Variants in IGFBP7 observed in about 807,000 individuals in gnomAD.
IGFBP7 encodes insulin like growth factor binding protein 7, also known as insulin-like growth factor-binding protein 7.
Under a neutral mutation model 29.4 loss-of-function variants are expected in IGFBP7, and 31 were observed. The observed-to-expected ratio is 1.05, with a 90% CI of 0.79 to 1.42. IGFBP7 has a LOEUF of 1.42. Ranked by LOEUF, IGFBP7 falls within the 40% of genes most tolerant of loss-of-function variation. IGFBP7 has a pLI of 0.00. For missense variants in IGFBP7, 393 were observed against 395.5 expected (o/e 0.99, Z 0.05); for synonymous variants, 172 against 174.9 (o/e 0.98, Z 0.13).
At position 57,033,177 on chromosome 4, in the gene IGFBP7, C is replaced by G. The variant is rs1723985178; in HGVS notation, c.702+18G>C. The G allele has an allele frequency of 1.3e-6, 2 of 1,530,128 alleles. No homozygotes were observed. Among genetic ancestry groups the G allele is most frequent in the African/African-American group, 1.4e-5 (1 of 73,474 alleles). The allele number at this position is 1,530,128 out of a possible 1,614,324, so 94.8% of individuals were successfully genotyped here. On this transcript the variant is annotated intron_variant, in intron 3 of 4. Coordinates refer to ENST00000295666, the MANE Select transcript of IGFBP7 (RefSeq NM_001553.3). Reference sequence around the variant, plus strand: ...GCTAAGAATGAAACTCTTGCCAGCTCTTGGTACTGGTACTCACCAGCACCC... The same window carrying G: ...GCTAAGAATGAAACTCTTGCCAGCTGTTGGTACTGGTACTCACCAGCACCC...
chr4:57,084,073 C>T (rs1208852287), intron 1 of IGFBP7, among the ~76,000 whole-genome samples: 2 of 152,140 alleles, frequency 1.3e-5, no homozygotes, highest in African/African-American at 4.8e-5. Flanking sequence ...TACCCTACCA[C>T]TCATTTTATG....
chr4:57,104,979 CA>C (rs1349481756), intron 1 of IGFBP7, among the ~76,000 whole-genome samples: 3 of 152,268 alleles, frequency 2.0e-5, no homozygotes, highest in African/African-American at 7.2e-5. Context: ...ATGATATGCC[CA>C]ATTATTAGCC....
intron 1 of IGFBP7, among the ~76,000 whole-genome samples, chr4:57,047,775 C>T (rs949866962): frequency 6.6e-6 from 1 of 152,202 alleles, no homozygotes; most frequent in African/African-American, 2.4e-5. Context: ...TTCTCTGTCA[C>T]TCAGGCTGGA....
chr4:57,054,370 C>T (rs1724588342), intron 1 of IGFBP7, among the ~76,000 whole-genome samples: 1 of 152,110 alleles, frequency 6.6e-6, no homozygotes, highest in African/African-American at 2.4e-5. Flanking sequence ...CGGGGTGGCT[C>T]ATGCCCGTAA....
intron 1 of IGFBP7, among the ~76,000 whole-genome samples, chr4:57,093,099 A>C (rs1725678100): frequency 6.6e-6 from 1 of 152,240 alleles, no homozygotes; most frequent in Admixed American, 6.5e-5. Context: ...GTGTTTAATA[A>C]CAAAAAAGAT....
intron 1 of IGFBP7, among the ~76,000 whole-genome samples, chr4:57,065,212 G>A (rs1724890713): frequency 6.6e-6 from 1 of 152,204 alleles, no homozygotes. Context: ...TCGCCCACAA[G>A]CTATGGCTAA....
chr4:57,039,510 A>G (rs1333444077), intron 2 of IGFBP7, among the ~76,000 whole-genome samples: 1 of 152,124 alleles, frequency 6.6e-6, no homozygotes. Flanking sequence ...GGCTGGGGAT[A>G]CTGCTAAACA....
At chr4:57,051,195 A>G (rs905842761) in intron 1 of IGFBP7, among the ~76,000 whole-genome samples, 1 of 152,228 alleles carries the variant, frequency 6.6e-6, no homozygotes, top group Admixed American at 6.5e-5. Flanking sequence ...AAACAAGTGG[A>G]AGCTTCCTGA....
chr4:57,072,673 C>T, intron 1 of IGFBP7: 1 of 371,632 alleles, frequency 2.7e-6, no homozygotes, highest in Non-Finnish European at 5.2e-6. Context: ...GGGGTGCTGC[C>T]CGGTACCTTG....
chr4:57,040,962 A>G (rs2109743709), intron 1 of IGFBP7, 29 bp from the exon 2 acceptor site: 1 of 1,448,624 alleles, frequency 6.9e-7, no homozygotes, highest in Non-Finnish European at 9.7e-7. Context: ...AGCCAAAGTC[A>G]TCTTTTAAAC....
intron 2 of IGFBP7, among the ~76,000 whole-genome samples, chr4:57,034,250 A>T (rs1560488494): frequency 6.6e-6 from 1 of 152,140 alleles, no homozygotes; most frequent in Non-Finnish European, 1.5e-5. Flanking sequence ...ACTCTGGAAA[A>T]TATACAAAAG....
At position 57,030,869 on chromosome 4, in the gene IGFBP7, T is replaced by C. The variant is rs1723896270; in HGVS notation, c.*448A>G. The C allele has an allele frequency of 7.5e-7, 1 of 1,331,236 alleles. No individual in the cohort carries two copies. The allele number at this position is 1,331,236 out of a possible 1,614,324, so 82.5% of individuals were successfully genotyped here. On this transcript the variant is annotated 3_prime_UTR_variant, in exon 5 of 5. Coordinates refer to ENST00000295666, the MANE Select transcript of IGFBP7 (RefSeq NM_001553.3). ...AAGTGGGGTCACTTCAATACAATTCTGCTAATTACCATTTGTTTTTTCTTT... is the reference window on the plus strand; with the variant it reads ...AAGTGGGGTCACTTCAATACAATTCCGCTAATTACCATTTGTTTTTTCTTT...
At chr4:57,092,012 C>T (rs924950175) in intron 1 of IGFBP7, among the ~76,000 whole-genome samples, 3 of 152,166 alleles carry the variant, frequency 2.0e-5, no homozygotes, top group African/African-American at 7.2e-5. Flanking sequence ...ATTTAAAGAG[C>T]TGCTGAGATT....
intron 1 of IGFBP7, among the ~76,000 whole-genome samples, chr4:57,077,069 A>G (rs1725244302): frequency 6.6e-6 from 1 of 152,320 alleles, no homozygotes; most frequent in African/African-American, 2.4e-5. Context: ...AATTAATAGT[A>G]TTAAAGTATT....
At chr4:57,092,571 G>A (rs1725666675) in intron 1 of IGFBP7, among the ~76,000 whole-genome samples, 1 of 151,864 alleles carries the variant, frequency 6.6e-6, no homozygotes. Context: ...TTATTGAAAT[G>A]TTTTGCTTTT....
intron 1 of IGFBP7, among the ~76,000 whole-genome samples, chr4:57,091,428 C>T (rs1001611785): frequency 1.3e-5 from 2 of 152,206 alleles, no homozygotes; most frequent in African/African-American, 4.8e-5. Flanking sequence ...CACCTGGATT[C>T]CTCATTCCAG....
chr4:57,103,529 T>G (rs749901403), intron 1 of IGFBP7, among the ~76,000 whole-genome samples: 2 of 152,196 alleles, frequency 1.3e-5, no homozygotes, highest in Non-Finnish European at 2.9e-5. Context: ...GATGTTCTGA[T>G]GCATGTAGAC....
At chr4:57,103,753 G>A (rs1725958272) in intron 1 of IGFBP7, among the ~76,000 whole-genome samples, 2 of 138,812 alleles carry the variant, frequency 1.4e-5, no homozygotes, top group Admixed American at 8.3e-5. Flanking sequence ...TGACCTCCTG[G>A]GCTCAAGTAA....
rs1362917325 is a variant in IGFBP7, at chr4:57,110,300, G to GC, written c.51dup (p.Leu18AlafsTer80). Reference sequence around the variant, plus strand: ...GAAGAGGAGAGGGGCAGGAGCAGGAGCAGCAGCCCAGCGGCGCCGAGGAGC... The same window carrying GC: ...GAAGAGGAGAGGGGCAGGAGCAGGAGCCAGCAGCCCAGCGGCGCCGAGGAGC... On this transcript the variant is annotated frameshift_variant, in exon 1 of 5. Coordinates refer to ENST00000295666, the MANE Select transcript of IGFBP7 (RefSeq NM_001553.3). LOFTEE classifies it high-confidence loss of function. The GC allele has an allele frequency of 2.1e-6, 3 of 1,423,794 alleles. No homozygotes were observed. Among genetic ancestry groups the GC allele is most frequent in the Non-Finnish European group, 2.8e-6 (3 of 1,089,040 alleles). 88.2% of individuals were successfully genotyped at this position (1,423,794 alleles called of 1,614,324 possible). A position where few individuals can be genotyped will look rare whatever the true frequency, so the allele number is the denominator to read the frequency against.
Sources: allele counts gnomAD v4.1 joint callset (sites outside exome capture counted in the v4.1 genomes callset), GRCh38; gene constraint gnomAD v4.1.1; transcripts MANE v1.5; gene names NCBI Gene and HGNC (gene_info 2026-07-23, HGNC 2026-07-21).